Variants in PCDHA4 observed in about 807,000 individuals in gnomAD.
The protein encoded by PCDHA4 is protocadherin alpha-4.
In PCDHA4, 49 loss-of-function variants were observed where a neutral mutation model predicts 61.4. That is an observed-to-expected ratio of 0.80 (90% CI 0.63 to 1.01). The LOEUF (loss-of-function observed/expected upper bound fraction) is 1.01. Among genes scored for constraint, PCDHA4 ranks in the 50% least tolerant of loss-of-function variants. The pLI is 0.00. For missense variants in PCDHA4, 1,254 were observed against 1,235.8 expected (o/e 1.01, Z -0.22); for synonymous variants, 590 against 550.3 (o/e 1.07, Z -1.01).
At chr5:140,996,082 T>A (rs782553216) in intron 3 of PCDHA4, among the ~76,000 whole-genome samples, 6 of 152,248 alleles carry the variant, frequency 3.9e-5, no homozygotes, top group Non-Finnish European at 7.3e-5. Context: ...AAGATGTTTT[T>A]GCTAGATTAC....
At chr5:140,871,219 G>A in intron 1 of PCDHA4, 1 of 1,613,872 alleles carries the variant, frequency 6.2e-7, no homozygotes, top group African/African-American at 1.3e-5. Flanking sequence ...CATCTGCGTG[G>A]TGTCCAGCCT....
intron 1 of PCDHA4, chr5:140,967,902 C>T: frequency 6.2e-7 from 1 of 1,614,192 alleles, no homozygotes; most frequent in East Asian, 2.2e-5. Flanking sequence ...GAGAATGCTA[C>T]ACCCAACACC....
intron 1 of PCDHA4, chr5:140,861,376 C>G (rs1490345053): frequency 4.8e-6 from 2 of 418,688 alleles, no homozygotes; most frequent in African/African-American, 4.1e-5. Flanking sequence ...GTCCCTATTG[C>G]GCAGGACCTG....
At chr5:140,978,566 T>G (rs1554239422) in intron 1 of PCDHA4, among the ~76,000 whole-genome samples, 1 of 152,204 alleles carries the variant, frequency 6.6e-6, no homozygotes, top group East Asian at 1.9e-4. Flanking sequence ...ATAGCTGTAA[T>G]ACTGAATTGG....
rs191873949 is a variant in PCDHA4 at position 140,855,986 on chromosome 5, G to T, written c.2385+46414G>T. On this transcript the variant is annotated intron_variant, in intron 1 of 3. Transcript: ENST00000530339. ...AGATATAAGAAATAGGACAGAAAATGTCAGATCGTATGTGCGTTCTAGACC... is the reference window on the plus strand; with the variant it reads ...AGATATAAGAAATAGGACAGAAAATTTCAGATCGTATGTGCGTTCTAGACC... The T allele has an allele frequency of 1.8e-5, 27 of 1,477,576 alleles. 1 individual carries two copies. Among genetic ancestry groups the T allele is most frequent in the South Asian group, 1.6e-4 (12 of 75,402 alleles). The allele number at this position is 1,477,576 out of a possible 1,614,324, so 91.5% of individuals were successfully genotyped here. A position where few individuals can be genotyped will look rare whatever the true frequency, so the allele number is the denominator to read the frequency against.
At chr5:140,851,327 T>C in intron 1 of PCDHA4, 1 of 984,006 alleles carries the variant, frequency 1.0e-6, no homozygotes, top group East Asian at 8.4e-5. Context: ...GTTAAGTTTG[T>C]AGTTCTCTAC....
intron 3 of PCDHA4, among the ~76,000 whole-genome samples, chr5:140,989,910 G>A (rs941838001): frequency 3.3e-5 from 5 of 152,062 alleles, no homozygotes; most frequent in African/African-American, 1.2e-4. Flanking sequence ...ATCAGAAAAA[G>A]AGGGAGAGCA....
intron 3 of PCDHA4, among the ~76,000 whole-genome samples, chr5:140,989,670 C>T (rs907417768): frequency 6.6e-6 from 1 of 152,104 alleles, no homozygotes; most frequent in African/African-American, 2.4e-5. Flanking sequence ...GAAACTCTGC[C>T]CAGATTTCAA....
At chr5:140,846,373 CTTTT>C (rs374699051) in intron 1 of PCDHA4, among the ~76,000 whole-genome samples, 1 of 55,152 alleles carries the variant, frequency 1.8e-5, no homozygotes, top group Admixed American at 2.3e-4. Flanking sequence ...TTCTTTCTTT[CTTTT>C]TTTTTTTTTT....
chr5:140,894,096 C>T (rs1487747692), intron 1 of PCDHA4, among the ~76,000 whole-genome samples: 3 of 152,098 alleles, frequency 2.0e-5, no homozygotes, highest in African/African-American at 7.2e-5. Flanking sequence ...TCTTCTAGCT[C>T]CTGGTGTTGC....
intron 1 of PCDHA4, chr5:140,821,742 G>A (rs2150110366): frequency 9.6e-6 from 15 of 1,555,750 alleles, no homozygotes; most frequent in African/African-American, 1.4e-5. Flanking sequence ...GTGTGGTGAT[G>A]CAATAGAAAG....
At chr5:140,889,121 G>A (rs2062113098) in intron 1 of PCDHA4, among the ~76,000 whole-genome samples, 1 of 151,724 alleles carries the variant, frequency 6.6e-6, no homozygotes, top group East Asian at 1.9e-4. Flanking sequence ...AGGTGATACT[G>A]ATATGTCCTA....
At chr5:140,916,261 A>C (rs2077497892) in intron 1 of PCDHA4, among the ~76,000 whole-genome samples, 1 of 152,168 alleles carries the variant, frequency 6.6e-6, no homozygotes. Context: ...GGACCCCAAG[A>C]GCATGCTTGT....
At chr5:140,856,596 A>G in intron 1 of PCDHA4, 1 of 1,597,802 alleles carries the variant, frequency 6.3e-7, no homozygotes, top group Non-Finnish European at 8.6e-7. Flanking sequence ...GATATTATAA[A>G]CAAAAAAGAC....
At chr5:140,927,525 T>C in intron 1 of PCDHA4, 1 of 1,614,088 alleles carries the variant, frequency 6.2e-7, no homozygotes, top group Non-Finnish European at 8.5e-7. Context: ...GCGGGCTACC[T>C]GCCCGCTCAG....
chr5:140,969,177 A>C, intron 1 of PCDHA4: 2 of 1,614,086 alleles, frequency 1.2e-6, no homozygotes, highest in Non-Finnish European at 1.7e-6. Flanking sequence ...TCAGGGAGTG[A>C]CACTTTCATG....
chr5:140,871,567 AT>A (rs1441824086), intron 1 of PCDHA4: 5 of 1,483,054 alleles, frequency 3.4e-6, no homozygotes, highest in African/African-American at 1.4e-5. Context: ...TTTTTCACGG[AT>A]TTTTTAAGGG....
At position 140,852,929 on chromosome 5, in the gene PCDHA4, A is replaced by G. The variant is rs2150525659; in HGVS notation, c.2385+43357A>G. 9 of 654,866 alleles carry G rather than the reference A, an allele frequency of 1.4e-5. No individual in the cohort carries two copies. The Admixed American group carries it at 3.9e-4, about 29-fold the overall frequency. The allele number at this position is 654,866 out of a possible 1,614,324, so 40.6% of individuals were successfully genotyped here. A position where few individuals can be genotyped will look rare whatever the true frequency, so the allele number is the denominator to read the frequency against. Reference sequence around the variant, plus strand: ...AGTCTCGCTCTGTTGCCCAGGCTGGAGTGCAGTGGTGCCATCTTGGCTCAC... The same window carrying G: ...AGTCTCGCTCTGTTGCCCAGGCTGGGGTGCAGTGGTGCCATCTTGGCTCAC... On this transcript the variant is annotated intron_variant, in intron 1 of 3. Transcript: ENST00000530339.
chr5:140,841,061 G>T (rs1479133522), intron 1 of PCDHA4: 1 of 457,826 alleles, frequency 2.2e-6, no homozygotes, highest in Non-Finnish European at 3.8e-6. Flanking sequence ...ATTAAATTAT[G>T]ATAAAGAAAT....
Sources: allele counts gnomAD v4.1 joint callset (sites outside exome capture counted in the v4.1 genomes callset), GRCh38; gene constraint gnomAD v4.1.1; transcripts MANE v1.5; gene names NCBI Gene and HGNC (gene_info 2026-07-23, HGNC 2026-07-21).